Variants in EWSR1 observed in about 807,000 individuals in gnomAD.
EWSR1 encodes the protein RNA-binding protein EWS.
Under a neutral mutation model 92.1 loss-of-function variants are expected in EWSR1, and 14 were observed. The ratio of observed to expected loss-of-function variants is 0.15; its 90% CI spans 0.10 to 0.24. The LOEUF is 0.24. Ranked by LOEUF, EWSR1 falls within the 10% of genes least tolerant of loss-of-function variation. The pLI is 1.00. For synonymous variants in EWSR1, 303 were observed against 292.9 expected (o/e 1.03, Z -0.35); for missense variants, 637 against 870.9 (o/e 0.73, Z 3.38).
chr22:29,295,393 A>T (rs174759), intron 11 of EWSR1: 120,216 of 211,256 alleles, frequency 0.57, 34,414 homozygotes, highest in East Asian at 0.7. Context: ...CCAAGGCAGG[A>T]GGATCCCAAG....
At chr22:29,286,460 G>C (rs2060040713) in intron 6 of EWSR1, among the ~76,000 whole-genome samples, 1 of 151,922 alleles carries the variant, frequency 6.6e-6, no homozygotes, top group Non-Finnish European at 1.5e-5. Context: ...AGGCCGAGGT[G>C]GGCGGATCAT....
At chr22:29,299,068 G>A in intron 14 of EWSR1, 166 bp from the exon 15 acceptor site, 1 of 1,416,664 alleles carries the variant, frequency 7.1e-7, no homozygotes, top group Non-Finnish European at 9.6e-7. Flanking sequence ...TCTGAAGATT[G>A]ATTTGACCTG....
chr22:29,298,684 T>G (rs748820458), intron 13 of EWSR1, 49 bp from the exon 14 acceptor site: 101 of 1,606,220 alleles, frequency 6.3e-5, no homozygotes, highest in Non-Finnish European at 8.2e-5. Context: ...TATAGCAAAT[T>G]TGGTGCTACA....
chr22:29,272,516 CAA>C, intron 3 of EWSR1, 85 bp downstream of exon 3: 1 of 1,356,866 alleles, frequency 7.4e-7, no homozygotes, highest in East Asian at 2.3e-5. Context: ...TCCAGTAAAA[CAA>C]ATGAGTAATG....
At chr22:29,283,478 AGCTGGGACT>A (rs1208060534) in intron 6 of EWSR1, among the ~76,000 whole-genome samples, 2 of 150,398 alleles carry the variant, frequency 1.3e-5, no homozygotes, top group African/African-American at 5.0e-5. Context: ...CCTCCCGAGT[AGCTGGGACT>A]GCAAGTGCAT....
rs754744792 is a variant in EWSR1 at position 29,299,856 on chromosome 22, G to GTCTTAC, written c.1931+6_1931+7insCTTACT. 8.4e-6 allele frequency: 13 copies of GTCTTAC among 1,539,334 alleles called. No individual in the cohort carries two copies. In the Admixed American group the frequency reaches 1.2e-4, roughly 14 times the overall value. On this transcript the variant is annotated splice_donor_region_variant and intron_variant, in intron 16 of 16. Coordinates refer to ENST00000397938, the MANE Select transcript of EWSR1 (RefSeq NM_005243.4). ...AGGACCTGGAAAAATGGATAAGTAA[G>GTCTTAC]TGCTGGTGAAAAGCAGCTGTGGGCC... is the stretch of plus-strand genomic sequence containing the variant.
intron 4 of EWSR1, chr22:29,276,348 C>G (rs1011769468): frequency 3.5e-5 from 8 of 228,302 alleles, no homozygotes; most frequent in African/African-American, 1.8e-4. Context: ...TTCCTGTTTT[C>G]TGGAACTATG....
chr22:29,279,009 G>A (rs1348364498), intron 5 of EWSR1, among the ~76,000 whole-genome samples: 2 of 150,998 alleles, frequency 1.3e-5, no homozygotes, highest in African/African-American at 2.4e-5. Context: ...AAAAAAAAAA[G>A]TGAAATGGTG....
At chr22:29,268,375 G>A in intron 1 of EWSR1, 26 bp downstream of exon 1, 1 of 1,613,884 alleles carries the variant, frequency 6.2e-7, no homozygotes. Flanking sequence ...CTGCGGTCGC[G>A]CCGGCGGTAG....
At chr22:29,272,007 T>C (rs1028886876) in intron 1 of EWSR1, among the ~76,000 whole-genome samples, 1 of 152,228 alleles carries the variant, frequency 6.6e-6, no homozygotes, top group Non-Finnish European at 1.5e-5. Flanking sequence ...CCTCATTAGC[T>C]AGTCCCACAG....
At chr22:29,269,088 C>G (rs1328905726) in intron 1 of EWSR1, 2 of 152,238 alleles carry the variant, frequency 1.3e-5, no homozygotes, top group Non-Finnish European at 2.9e-5. Context: ...AGTGGCTTCC[C>G]AGGGCCCTTT....
At chr22:29,278,560 C>G (rs2059305496) in intron 5 of EWSR1, among the ~76,000 whole-genome samples, 1 of 152,142 alleles carries the variant, frequency 6.6e-6, no homozygotes, top group Non-Finnish European at 1.5e-5. Context: ...CGCAGTGGCT[C>G]ACGCCTGTAA....
chr22:29,300,150 C>T lies in EWSR1; in HGVS notation c.1960C>T (p.Arg654Trp). 6.2e-7 allele frequency: 1 copy of T among 1,601,480 alleles called. No homozygotes were observed. The highest frequency in any genetic ancestry group is 8.5e-7 in the Non-Finnish European group (1 of 1,176,786). ...CGAGCACCGTCAGGAGCGCAGAGAT[C>T]GGCCCTACTAGATGCAGAGACCCCG... ...KGEHRQERRDRPY is the reference protein window; with the variant it reads ...KGEHRQERRDWPY The change falls in exon 17 of 17, where the codon CGG (arginine) becomes TGG (tryptophan). Residue 654 changes from arginine to tryptophan, a missense_variant. Transcript: ENST00000397938.
chr22:29,282,997 C>T (rs1383014144), intron 6 of EWSR1, among the ~76,000 whole-genome samples: 1 of 152,108 alleles, frequency 6.6e-6, no homozygotes, highest in African/African-American at 2.4e-5. Flanking sequence ...CTCCTGACCT[C>T]GTGATCCACC....
At chr22:29,291,836 T>C in intron 9 of EWSR1, 2 of 583,380 alleles carry the variant, frequency 3.4e-6, no homozygotes, top group Non-Finnish European at 3.0e-6. Context: ...AATAAATTTT[T>C]AAATTTGGTT....
In EWSR1 at chr22:29,300,173, C is replaced by T. The variant is rs1433368407; in HGVS notation, c.*12C>T. 2 of 1,606,656 alleles carry T rather than the reference C, an allele frequency of 1.2e-6. No homozygotes were observed. The highest frequency in any genetic ancestry group is 2.2e-5 in the East Asian group (1 of 44,718). On this transcript the variant is annotated 3_prime_UTR_variant, in exon 17 of 17. Coordinates refer to ENST00000397938, the MANE Select transcript of EWSR1 (RefSeq NM_005243.4). ...ATCGGCCCTACTAGATGCAGAGACCCCGCAGAGCTGCATTGACTACCAGAT... is the reference window on the plus strand; with the variant it reads ...ATCGGCCCTACTAGATGCAGAGACCTCGCAGAGCTGCATTGACTACCAGAT...
rs1268250717 is a variant in EWSR1, at chr22:29,277,980, G to A, written c.227-50G>A. The A allele has an allele frequency of 3.3e-6, 5 of 1,534,276 alleles. No individual in the cohort carries two copies. In the African/African-American group the frequency reaches 4.1e-5, roughly 13 times the overall value. Reference sequence around the variant, plus strand: ...AATTGTTCTGATAATGAGTGTCTAGGCAGATCTCTGAGGGGACCTGAAATC... The same window carrying A: ...AATTGTTCTGATAATGAGTGTCTAGACAGATCTCTGAGGGGACCTGAAATC... On this transcript the variant is annotated intron_variant, in intron 4 of 16. Coordinates refer to ENST00000397938, the MANE Select transcript of EWSR1 (RefSeq NM_005243.4).
intron 3 of EWSR1, among the ~76,000 whole-genome samples, chr22:29,273,337 T>G (rs1345780875): frequency 1.3e-5 from 2 of 152,234 alleles, no homozygotes; most frequent in Non-Finnish European, 2.9e-5. Flanking sequence ...CTTCGTACCT[T>G]TTGTTTCCAA....
Position 29,300,476 on chromosome 22 carries a change from A to AT in EWSR1, c.*316dup. 2.1e-5 allele frequency: 5 copies of AT among 240,402 alleles called. No homozygotes were observed. Among genetic ancestry groups the AT allele is most frequent in the Non-Finnish European group, 2.4e-5 (3 of 126,548 alleles). 14.9% of individuals were successfully genotyped at this position (240,402 alleles called of 1,614,324 possible). The stretch of plus-strand genomic sequence containing the variant: ...AACTGTAACAATGTTCATGGTTGTG[A>AT]TGTTTTTTTTTTTTTTTTAAATAAA... On this transcript the variant is annotated 3_prime_UTR_variant, in exon 17 of 17. Coordinates refer to ENST00000397938, the MANE Select transcript of EWSR1 (RefSeq NM_005243.4).
Sources: gnomAD v4.1 joint callset for allele counts (sites outside exome capture counted in the v4.1 genomes callset) on GRCh38, gnomAD v4.1.1 for gene constraint, MANE v1.5 for transcripts, NCBI Gene and HGNC (gene_info 2026-07-23, HGNC 2026-07-21) for gene names.